Variants in CHN2 observed in about 807,000 individuals in gnomAD.
The protein encoded by CHN2 is beta-chimaerin.
Under a neutral mutation model 56.3 loss-of-function variants are expected in CHN2, and 35 were observed. The observed-to-expected ratio is 0.62, with a 90% CI of 0.47 to 0.82. The LOEUF (loss-of-function observed/expected upper bound fraction) is 0.82, where lower values mean the gene tolerates loss of function less well. Among genes scored for constraint, CHN2 ranks in the 40% least tolerant of loss-of-function variants. The probability of loss-of-function intolerance (pLI) is 0.00; values close to 1 mark genes in which losing one functional copy is unlikely to be tolerated. For missense variants in CHN2, 491 were observed against 580.5 expected (o/e 0.85, Z 1.58); for synonymous variants, 210 against 212.8 (o/e 0.99, Z 0.12).
chr7:29,473,500 G>GT (rs1010046289), intron 6 of CHN2, among the ~76,000 whole-genome samples: 9 of 140,518 alleles, frequency 6.4e-5, no homozygotes, highest in African/African-American at 2.2e-4. Context: ...GTGTGTGTGT[G>GT]TGTGTGTTCT....
chr7:29,247,126 G>A (rs967497538), intron 1 of CHN2, among the ~76,000 whole-genome samples: 7 of 152,110 alleles, frequency 4.6e-5, no homozygotes, highest in African/African-American at 1.7e-4. Context: ...AAGATGGATG[G>A]GATTTCATCA....
chr7:29,212,477 C>G (rs1472861317), intron 1 of CHN2: 1 of 1,590,004 alleles, frequency 6.3e-7, no homozygotes, highest in Non-Finnish European at 8.6e-7. Flanking sequence ...CTCCATGGAT[C>G]TGCTTATTCA....
At chr7:29,507,590 A>G (rs1790724982) in intron 11 of CHN2, among the ~76,000 whole-genome samples, 3 of 152,082 alleles carry the variant, frequency 2.0e-5, no homozygotes, top group Admixed American at 2.0e-4. Context: ...TTCTGTCCAC[A>G]TTGTTCCTTG....
chr7:29,332,166 T>C (rs998277765), intron 1 of CHN2, among the ~76,000 whole-genome samples: 6 of 152,184 alleles, frequency 3.9e-5, no homozygotes, highest in Non-Finnish European at 5.9e-5. Context: ...ACTCCCGCAG[T>C]GGCGCGAGAC....
At position 29,255,608 on chromosome 7, in the gene CHN2, C is replaced by T. The variant is rs143905043; in HGVS notation, c.49+60618C>T. 7.0e-4 allele frequency among the ~76,000 whole-genome samples: 106 copies of T among 152,320 alleles called. 1 individual carries two copies. Among genetic ancestry groups the T allele is most frequent in the African/African-American group, 2.5e-3 (105 of 41,570 alleles). ...AGACTGTGTGATACAGGCAATGGGA[C>T]AACTGGGCAGTTAGTTGGAACTGAC... On this transcript the variant is annotated intron_variant, in intron 1 of 12. Coordinates refer to ENST00000222792, the MANE Select transcript of CHN2 (RefSeq NM_004067.4).
intron 1 of CHN2, among the ~76,000 whole-genome samples, chr7:29,347,015 C>T (rs1338165435): frequency 6.6e-6 from 1 of 152,130 alleles, no homozygotes; most frequent in Non-Finnish European, 1.5e-5. Context: ...TATGTTTCCA[C>T]AGGTTCACTT....
At chr7:29,263,763 C>T (rs1206829679) in intron 1 of CHN2, among the ~76,000 whole-genome samples, 1 of 151,488 alleles carries the variant, frequency 6.6e-6, no homozygotes, top group African/African-American at 2.4e-5. Context: ...GCCGCCCCAT[C>T]TGAGATGTGA....
At chr7:29,432,138 G>A (rs529887767) in intron 6 of CHN2, among the ~76,000 whole-genome samples, 7 of 152,224 alleles carry the variant, frequency 4.6e-5, no homozygotes, top group African/African-American at 1.7e-4. Context: ...CTGCCAGTGT[G>A]AGTGTGGGAT....
chr7:29,386,739 T>G (rs1306205786), intron 3 of CHN2, among the ~76,000 whole-genome samples: 1 of 152,210 alleles, frequency 6.6e-6, no homozygotes, highest in Non-Finnish European at 1.5e-5. Context: ...CCAGGTAGTT[T>G]GGGAATACAC....
At chr7:29,358,834 T>C (rs1487337368) in intron 2 of CHN2, among the ~76,000 whole-genome samples, 1 of 152,194 alleles carries the variant, frequency 6.6e-6, no homozygotes, top group African/African-American at 2.4e-5. Context: ...CTACTCTCAA[T>C]CACATTGATT....
chr7:29,273,508 G>A (rs1354421258), intron 1 of CHN2, among the ~76,000 whole-genome samples: 1 of 151,036 alleles, frequency 6.6e-6, no homozygotes, highest in Non-Finnish European at 1.5e-5. Context: ...TTTTTGAAGT[G>A]ATGAGCTTGT....
intron 1 of CHN2, among the ~76,000 whole-genome samples, chr7:29,211,069 T>TTGTTGA (rs140091853): frequency 1.6e-3 from 35 of 22,432 alleles, no homozygotes; most frequent in Admixed American, 3.8e-3. Context: ...GTTTTTTTTT[T>TTGTTGA]TGTTGTTGTT....
At chr7:29,304,709 G>A (rs1794002190) in intron 1 of CHN2, among the ~76,000 whole-genome samples, 1 of 152,154 alleles carries the variant, frequency 6.6e-6, no homozygotes, top group African/African-American at 2.4e-5. Flanking sequence ...TAGAATATTG[G>A]AGCAAACTGT....
At chr7:29,288,850 G>T (rs1792360739) in intron 1 of CHN2, 1 of 152,348 alleles carries the variant, frequency 6.6e-6, no homozygotes, top group Non-Finnish European at 1.5e-5. Flanking sequence ...GCACTCAGGG[G>T]ATTTGCAGGA....
At chr7:29,342,622 G>C (rs1016404348) in intron 1 of CHN2, among the ~76,000 whole-genome samples, 6 of 152,044 alleles carry the variant, frequency 3.9e-5, no homozygotes, top group Admixed American at 6.5e-5. Context: ...AATGGAAAGA[G>C]TGGAGAGCTG....
At chr7:29,185,689 A>G (rs1798620956) in intron 2 of CHN2, 1 of 151,978 alleles carries the variant, frequency 6.6e-6, no homozygotes, top group Non-Finnish European at 1.5e-5. Context: ...TGATCTCGGC[A>G]TTGGGATTTC....
chr7:29,296,641 A>G (rs1793181754), intron 1 of CHN2, among the ~76,000 whole-genome samples: 1 of 152,180 alleles, frequency 6.6e-6, no homozygotes, highest in Non-Finnish European at 1.5e-5. Flanking sequence ...CCTTGAAGGT[A>G]TTTGCATGTT....
intron 2 of CHN2, among the ~76,000 whole-genome samples, chr7:29,173,378 A>G (rs1482046826): frequency 6.6e-6 from 1 of 151,996 alleles, no homozygotes; most frequent in Non-Finnish European, 1.5e-5. Flanking sequence ...TTATGAAGTG[A>G]AAGGTGGTGC....
At chr7:29,375,175 C>T (rs191533055) in intron 3 of CHN2, among the ~76,000 whole-genome samples, 1,608 of 141,990 alleles carry the variant, frequency 0.011, 44 homozygotes, top group African/African-American at 0.04. Context: ...CAAGCATGAG[C>T]CACCGTGCTC....
Sources: allele counts gnomAD v4.1 joint callset (sites outside exome capture counted in the v4.1 genomes callset), GRCh38; gene constraint gnomAD v4.1.1; transcripts MANE v1.5; gene names NCBI Gene and HGNC (gene_info 2026-07-23, HGNC 2026-07-21).